ROBO2: variants seen among roughly 807,000 people sequenced by gnomAD.
ROBO2 encodes the protein roundabout guidance receptor 2.
A neutral mutation model predicts 160.8 loss-of-function variants in ROBO2; 53 were observed. The ratio of observed to expected loss-of-function variants is 0.33; its 90% CI spans 0.26 to 0.41. The LOEUF (loss-of-function observed/expected upper bound fraction) is 0.41, where lower values mean the gene tolerates loss of function less well. Ranked by LOEUF, ROBO2 falls within the 10% of genes least tolerant of loss-of-function variation. The pLI is 1.00. For synonymous variants in ROBO2, 664 were observed against 611.7 expected, an observed-to-expected ratio of 1.09 and a Z score of -1.26; for missense variants, 1,577 against 1,722.4, an observed-to-expected ratio of 0.92 and a Z score of 1.49.
At chr3:75,944,220 G>A (rs1327370611) in intron 2 of ROBO2, among the ~76,000 whole-genome samples, 1 of 151,968 alleles carries the variant, frequency 6.6e-6, no homozygotes, top group Non-Finnish European at 1.5e-5. Context: ...CTAAAACTGT[G>A]CTTTAAGAAT....
intron 2 of ROBO2, among the ~76,000 whole-genome samples, chr3:76,487,786 T>C (rs1259544446): frequency 6.6e-6 from 1 of 152,226 alleles, no homozygotes; most frequent in Non-Finnish European, 1.5e-5. Context: ...TTTGCAGTTG[T>C]AGGACTGAAT....
intron 2 of ROBO2, among the ~76,000 whole-genome samples, chr3:76,118,818 G>A (rs915857306): frequency 6.6e-6 from 1 of 152,078 alleles, no homozygotes; most frequent in Non-Finnish European, 1.5e-5. Context: ...CTATTATCAT[G>A]AACACTTCTA....
chr3:76,722,983 T>C (rs2093488642), intron 2 of ROBO2, among the ~76,000 whole-genome samples: 1 of 152,184 alleles, frequency 6.6e-6, no homozygotes, highest in South Asian at 2.1e-4. Context: ...ACAATTGAAA[T>C]ATGGAAAATA....
intron 2 of ROBO2, among the ~76,000 whole-genome samples, chr3:76,946,605 T>G (rs1349497052): frequency 2.6e-5 from 4 of 152,018 alleles, no homozygotes; most frequent in African/African-American, 7.2e-5. Context: ...ATCCGGCTAA[T>G]TTTTGTATTT....
chr3:76,149,839 CTGTCTAAAGCACACATCATA>C (rs1243224587), intron 2 of ROBO2, among the ~76,000 whole-genome samples: 15 of 150,656 alleles, frequency 1.0e-4, no homozygotes, highest in African/African-American at 3.7e-4. Flanking sequence ...AAACACACAT[CTGTCTAAAGCACACATCATA>C]TGTCTAAAGC....
chr3:76,249,499 C>T (rs565851689), intron 2 of ROBO2, among the ~76,000 whole-genome samples: 2 of 152,188 alleles, frequency 1.3e-5, no homozygotes, highest in South Asian at 4.1e-4. Context: ...CAGGAACTGC[C>T]TAAAGCAGAA....
chr3:76,808,563 A>G (rs2064920969), intron 2 of ROBO2, among the ~76,000 whole-genome samples: 2 of 152,180 alleles, frequency 1.3e-5, no homozygotes, highest in Admixed American at 1.3e-4. Flanking sequence ...AGCCCGTCTT[A>G]CTGACTTTGT....
intron 2 of ROBO2, among the ~76,000 whole-genome samples, chr3:76,073,481 CG>C (rs1465252926): frequency 2.6e-5 from 4 of 151,070 alleles, no homozygotes; most frequent in Non-Finnish European, 4.4e-5. Context: ...TTAGTAGAGA[CG>C]GGGTTTCACC....
At chr3:75,922,089 T>C in intron 1 of ROBO2, among the ~76,000 whole-genome samples, 1 of 152,176 alleles carries the variant, frequency 6.6e-6, no homozygotes, top group East Asian at 1.9e-4. Flanking sequence ...TAATTTCATG[T>C]TACATAATCT....
At chr3:77,174,054 C>T (rs959331617) in intron 2 of ROBO2, among the ~76,000 whole-genome samples, 3 of 152,198 alleles carry the variant, frequency 2.0e-5, no homozygotes, top group African/African-American at 7.2e-5. Flanking sequence ...ACATAATTCT[C>T]ACCGTTGCTT....
At chr3:76,434,771 G>C in intron 2 of ROBO2, 1 of 1,259,806 alleles carries the variant, frequency 7.9e-7, no homozygotes, top group Admixed American at 1.7e-5. Flanking sequence ...GCTCAGCCCT[G>C]TTTGCGCAGA....
At chr3:76,222,048 A>G (rs1254134721) in intron 2 of ROBO2, among the ~76,000 whole-genome samples, 1 of 152,174 alleles carries the variant, frequency 6.6e-6, no homozygotes, top group African/African-American at 2.4e-5. Flanking sequence ...GGCAGATTGT[A>G]TAATCTGCCA....
At chr3:77,176,905 G>C (rs747733297) in intron 2 of ROBO2, among the ~76,000 whole-genome samples, 2 of 151,666 alleles carry the variant, frequency 1.3e-5, no homozygotes, top group Non-Finnish European at 2.9e-5. Context: ...AATTTGATAT[G>C]GTCTGTTTGT....
intron 2 of ROBO2, among the ~76,000 whole-genome samples, chr3:77,017,585 T>G (rs1451764346): frequency 6.6e-6 from 1 of 152,154 alleles, no homozygotes; most frequent in Non-Finnish European, 1.5e-5. Context: ...AGAAAAGACT[T>G]CTAGGGCTCT....
intron 2 of ROBO2, among the ~76,000 whole-genome samples, chr3:77,382,871 A>C (rs2073688502): frequency 6.6e-6 from 1 of 152,188 alleles, no homozygotes; most frequent in Non-Finnish European, 1.5e-5. Context: ...ATTGTGCTGC[A>C]ATAAACATAT....
chr3:77,417,081 T>A (rs2077296052), intron 2 of ROBO2, among the ~76,000 whole-genome samples: 1 of 152,088 alleles, frequency 6.6e-6, no homozygotes, highest in South Asian at 2.1e-4. Flanking sequence ...GAATCTATAA[T>A]CAGAACTCAA....
At chr3:77,649,727 G>C (rs2095436191) in exon 26 of ROBO2, 1 of 151,966 alleles carries the variant, frequency 6.6e-6, no homozygotes, top group Admixed American at 6.6e-5. Context: ...TGATTTTAAA[G>C]TGTTGCAAGA....
chr3:76,003,846 C>A (rs1436512477), intron 2 of ROBO2, among the ~76,000 whole-genome samples: 2 of 152,140 alleles, frequency 1.3e-5, no homozygotes, highest in African/African-American at 4.8e-5. Flanking sequence ...TGCTTAACAC[C>A]ATTAGTCGTT....
intron 2 of ROBO2, among the ~76,000 whole-genome samples, chr3:77,171,772 C>T (rs1484855435): frequency 6.6e-6 from 1 of 152,176 alleles, no homozygotes; most frequent in African/African-American, 2.4e-5. Flanking sequence ...TATAAAGATT[C>T]TTCTGTCAGT....
Sources: gnomAD v4.1 joint callset for allele counts (sites outside exome capture counted in the v4.1 genomes callset) on GRCh38, gnomAD v4.1.1 for gene constraint, MANE v1.5 for transcripts, NCBI Gene and HGNC (gene_info 2026-07-23, HGNC 2026-07-21) for gene names.